Variants in SLC35F2 observed in about 807,000 individuals in gnomAD.
SLC35F2 encodes queuine/queuosine transporter SLC35F2.
In SLC35F2, 25 loss-of-function variants were observed where a neutral mutation model predicts 38.1. That is an observed-to-expected ratio of 0.66 (90% CI 0.48 to 0.92). The LOEUF is 0.92. SLC35F2 is among the 40% of genes least tolerant of loss of function. SLC35F2 has a pLI of 0.00. For missense variants in SLC35F2, 409 were observed against 452.9 expected, an observed-to-expected ratio of 0.90 and a Z score of 0.88; for synonymous variants, 173 against 181.7, an observed-to-expected ratio of 0.95 and a Z score of 0.38.
chr11:107,805,201 G>GTAGTAC lies in SLC35F2; in HGVS notation c.731+157_731+158insGTACTA, dbSNP rs1394400695. On this transcript the variant is annotated intron_variant, in intron 5 of 7. Coordinates refer to ENST00000525815, the MANE Select transcript of SLC35F2 (RefSeq NM_017515.5). The stretch of plus-strand genomic sequence containing the variant: ...TTAACAATCCTCTAGTAGACACTCA[G>GTAGTAC]CAAGTTATTAGGTAATGGCAAAACC... 6 of 973,874 alleles carry GTAGTAC rather than the reference G, an allele frequency of 6.2e-6. No individual in the cohort carries two copies. In the African/African-American group the frequency reaches 1.1e-4, roughly 17 times the overall value. The allele number at this position is 973,874 out of a possible 1,614,324, so 60.3% of individuals were successfully genotyped here. A position where few individuals can be genotyped will look rare whatever the true frequency, so the allele number is the denominator to read the frequency against.
At chr11:107,820,882 G>A (rs1394420921) in intron 1 of SLC35F2, among the ~76,000 whole-genome samples, 9 of 152,102 alleles carry the variant, frequency 5.9e-5, no homozygotes, top group Non-Finnish European at 1.2e-4. Context: ...CTTGAACCTG[G>A]GAGGCAGAGG....
chr11:107,804,299 A>T (rs1189726753), intron 6 of SLC35F2, among the ~76,000 whole-genome samples: 1 of 152,110 alleles, frequency 6.6e-6, no homozygotes, highest in Non-Finnish European at 1.5e-5. Flanking sequence ...ATTTATGCAG[A>T]TGCCTAGGAA....
intron 1 of SLC35F2, among the ~76,000 whole-genome samples, chr11:107,824,191 G>A (rs1859720320): frequency 6.6e-6 from 1 of 152,140 alleles, no homozygotes; most frequent in Non-Finnish European, 1.5e-5. Flanking sequence ...TGGTGTATAT[G>A]ATCACCTCAC....
Position 107,853,215 on chromosome 11 carries a change from C to T in SLC35F2, c.110+5443G>A, listed in dbSNP as rs75794082. 2.0e-5 allele frequency among the ~76,000 whole-genome samples: 3 copies of T among 152,316 alleles called. No homozygotes were observed. The East Asian group carries it at 5.8e-4, about 29-fold the overall frequency. ...ACGATCACCTTCCCTCTCAAGCTCC[C>T]TAACCCTATCTCACCCTGGTAGACT... is the stretch of plus-strand genomic sequence containing the variant. On this transcript the variant is annotated intron_variant, in intron 1 of 7. Transcript: ENST00000525815.
chr11:107,854,645 G>A (rs1441911738), intron 1 of SLC35F2, among the ~76,000 whole-genome samples: 1 of 152,106 alleles, frequency 6.6e-6, no homozygotes, highest in African/African-American at 2.4e-5. Flanking sequence ...TTTATTGAAT[G>A]AGTGATCTGA....
intron 1 of SLC35F2, among the ~76,000 whole-genome samples, chr11:107,858,115 C>G (rs1860324479): frequency 6.6e-6 from 1 of 152,184 alleles, no homozygotes; most frequent in African/African-American, 2.4e-5. Context: ...CTGGGGGTGG[C>G]TATATCACCT....
In SLC35F2 at chr11:107,811,712, A is replaced by G. The variant is rs763349889; in HGVS notation, c.369T>C (p.Tyr123=). 9.9e-6 allele frequency: 16 copies of G among 1,613,984 alleles called. No homozygotes were observed. In the East Asian group the frequency reaches 3.6e-4, roughly 36 times the overall value. ...LLGLADVEAN[Y]VIVRAYQYTT... ...TGTACTGGTAGGCTCTGACGATCAC[A>G]TAATTAGCTTCCACATCTGCTAGTC... Residue 123 remains tyrosine (Y), a synonymous_variant, in exon 3 of 8, where the codon TAT becomes TAC. Coordinates refer to ENST00000525815, the MANE Select transcript of SLC35F2 (RefSeq NM_017515.5).
chr11:107,828,280 C>T (rs888397852), intron 1 of SLC35F2, among the ~76,000 whole-genome samples: 5 of 151,876 alleles, frequency 3.3e-5, no homozygotes, highest in Non-Finnish European at 7.4e-5. Context: ...ATTAAAAATA[C>T]AAAAATTAGC....
rs201964530 is a variant in SLC35F2, at chr11:107,807,271, C to CAAAAAAAAAAAAAAAAAA, written c.415-396_415-395insTTTTTTTTTTTTTTTTTT. Among the ~76,000 whole-genome samples the CAAAAAAAAAAAAAAAAAA allele has an allele frequency of 6.5e-4, 46 of 70,838 alleles. 1 individual carries two copies. Among genetic ancestry groups the CAAAAAAAAAAAAAAAAAA allele is most frequent in the Non-Finnish European group, 9.7e-4 (37 of 38,052 alleles). The allele number at this position is 70,838 out of a possible 152,430, so 46.5% of individuals were successfully genotyped here. On this transcript the variant is annotated intron_variant, in intron 3 of 7. Coordinates refer to ENST00000525815, the MANE Select transcript of SLC35F2 (RefSeq NM_017515.5). ...GCAACATGGTGAAACCCTGTCTGTA[C>CAAAAAAAAAAAAAAAAAA]AAAAAAAAAAAAAAACAACAACAAA... is the stretch of plus-strand genomic sequence containing the variant.
In SLC35F2 at chr11:107,810,943, ACT is replaced by A. The variant is rs1491527949; in HGVS notation, c.414+722_414+723del. 29 of 972,104 alleles carry A rather than the reference ACT, an allele frequency of 3.0e-5. No individual in the cohort carries two copies. The African/African-American group carries it at 4.2e-4, about 14-fold the overall frequency. 60.2% of individuals were successfully genotyped at this position (972,104 alleles called of 1,614,324 possible). A position where few individuals can be genotyped will look rare whatever the true frequency, so the allele number is the denominator to read the frequency against. ...ACTTCAAATCCCACATCTGATACAC[ACT>A]TTTTTTTATTATTTAAAAAAATGAA... is the stretch of plus-strand genomic sequence containing the variant. On this transcript the variant is annotated intron_variant, in intron 3 of 7. Coordinates refer to ENST00000525815, the MANE Select transcript of SLC35F2 (RefSeq NM_017515.5).
chr11:107,807,213 C>T (rs518723), intron 3 of SLC35F2, among the ~76,000 whole-genome samples: 134,760 of 147,816 alleles, frequency 0.91, 61,624 homozygotes, highest in African/African-American at 0.98. Flanking sequence ...GGCGGGCAGA[C>T]TGCTTGAGTC....
At chr11:107,814,574 G>A (rs187981518) in intron 2 of SLC35F2, among the ~76,000 whole-genome samples, 1 of 152,246 alleles carries the variant, frequency 6.6e-6, no homozygotes. Context: ...GTTTGATACT[G>A]TAATGGTAAA....
chr11:107,822,802 G>A (rs1859694657), intron 1 of SLC35F2, among the ~76,000 whole-genome samples: 1 of 152,076 alleles, frequency 6.6e-6, no homozygotes, highest in African/African-American at 2.4e-5. Context: ...CAAGGAGAAG[G>A]AAAGCTCAAG....
intron 6 of SLC35F2, among the ~76,000 whole-genome samples, chr11:107,803,968 G>C (rs570085215): frequency 6.6e-6 from 1 of 151,236 alleles, no homozygotes; most frequent in Non-Finnish European, 1.5e-5. Flanking sequence ...TGAGATTATA[G>C]GCGCCCGCCA....
intron 1 of SLC35F2, among the ~76,000 whole-genome samples, chr11:107,835,131 C>T (rs1017743282): frequency 6.6e-6 from 1 of 152,194 alleles, no homozygotes; most frequent in African/African-American, 2.4e-5. Flanking sequence ...AACACGCACA[C>T]TCACATGCAA....
At chr11:107,836,963 T>C (rs1859940148) in intron 1 of SLC35F2, among the ~76,000 whole-genome samples, 1 of 152,158 alleles carries the variant, frequency 6.6e-6, no homozygotes, top group Admixed American at 6.6e-5. Context: ...AAGAGTCTAT[T>C]AAAAAACTGC....
At chr11:107,851,200 T>C (rs1044381924) in intron 1 of SLC35F2, among the ~76,000 whole-genome samples, 2 of 150,814 alleles carry the variant, frequency 1.3e-5, no homozygotes, top group African/African-American at 4.9e-5. Context: ...GAGGCGGAGG[T>C]TGCAGTGAGC....
chr11:107,822,283 C>T lies in SLC35F2; in HGVS notation c.111-6318G>A, dbSNP rs552010953. Among the ~76,000 whole-genome samples, 351 of 152,256 alleles carry T rather than the reference C, an allele frequency of 2.3e-3. 2 individuals are homozygous for T. Among genetic ancestry groups the T allele is most frequent in the Non-Finnish European group, 3.8e-3 (258 of 68,012 alleles). ...GAAGAAAAGATCATGTGGCACTTTA[C>T]TTCACTCCTTCTTTCTTCTAGGAAA... On this transcript the variant is annotated intron_variant, in intron 1 of 7. Transcript: ENST00000525815.
At chr11:107,821,658 T>C in intron 1 of SLC35F2, 1 of 979,026 alleles carries the variant, frequency 1.0e-6, no homozygotes, top group Non-Finnish European at 1.2e-6. Flanking sequence ...CTGTTCCTGT[T>C]TAAGCAAAGC....
Sources: gnomAD v4.1 joint callset for allele counts (sites outside exome capture counted in the v4.1 genomes callset) on GRCh38, gnomAD v4.1.1 for gene constraint, MANE v1.5 for transcripts, NCBI Gene and HGNC (gene_info 2026-07-23, HGNC 2026-07-21) for gene names.